Variants in PLEKHM2 observed in about 807,000 individuals in gnomAD.
PLEKHM2 encodes pleckstrin homology domain-containing family M member 2.
PLEKHM2 carries 77 observed loss-of-function variants against 116.3 expected under a neutral mutation model. That is an observed-to-expected ratio of 0.66 (90% CI 0.55 to 0.80). PLEKHM2 has a LOEUF of 0.80. Ranked by LOEUF, PLEKHM2 falls within the 30% of genes least tolerant of loss-of-function variation. PLEKHM2 has a pLI of 0.00. For missense variants in PLEKHM2, 1,183 were observed against 1,354.9 expected (o/e 0.87, Z 1.99); for synonymous variants, 562 against 571.0 (o/e 0.98, Z 0.22).
upstream of PLEKHM2, among the ~76,000 whole-genome samples, chr1:15,684,003 C>CCTGGGGTCTGAGGGTGTCT (rs1640702260): frequency 6.7e-6 from 1 of 149,824 alleles, no homozygotes; most frequent in Non-Finnish European, 1.5e-5. Context: ...GTCCGGAGTC[C>CCTGGGGTCTGAGGGTGTCT]CTGGGGTCTG....
Position 15,729,436 on chromosome 1 carries a change from T to G in PLEKHM2, c.2075+246T>G. Among the ~76,000 whole-genome samples the G allele has an allele frequency of 6.6e-6, 1 of 151,970 alleles. No individual in the cohort carries two copies. The highest frequency in any genetic ancestry group is 1.5e-5 in the Non-Finnish European group (1 of 67,982). On this transcript the variant is annotated intron_variant, in intron 13 of 19. Transcript: ENST00000375799. The surrounding 1 kb of genome is among the most constrained non-coding windows in gnomAD (Gnocchi z 4.7). ...TCTTGGGGGTGCTAGCATGAGTTGT[T>G]GGACAGGAAGGCAGGCAGAGAGCCA...
chr1:15,701,301 C>A (rs1641106410), intron 1 of PLEKHM2, among the ~76,000 whole-genome samples: 1 of 144,008 alleles, frequency 6.9e-6, no homozygotes, highest in Non-Finnish European at 1.5e-5. Flanking sequence ...GGCATGGTGG[C>A]AGGTGCCTGT....
intron 1 of PLEKHM2, among the ~76,000 whole-genome samples, chr1:15,693,431 G>A (rs1640927190): frequency 6.6e-6 from 1 of 152,164 alleles, no homozygotes; most frequent in Non-Finnish European, 1.5e-5. Flanking sequence ...GACACTGTGT[G>A]GTCCTTTCCA....
intron 1 of PLEKHM2, among the ~76,000 whole-genome samples, chr1:15,714,227 A>G (rs1641395883): frequency 6.6e-6 from 1 of 151,892 alleles, no homozygotes; most frequent in East Asian, 1.9e-4. Context: ...GGTGTGAGCC[A>G]CCACACCCGG....
chr1:15,692,735 G>T (rs1640912998), intron 1 of PLEKHM2, among the ~76,000 whole-genome samples: 1 of 151,556 alleles, frequency 6.6e-6, no homozygotes. Context: ...CTGTGTCCAT[G>T]CCCCATTCAC....
At chr1:15,725,096 C>T (rs775466320) in intron 7 of PLEKHM2, among the ~76,000 whole-genome samples, 14 of 152,118 alleles carry the variant, frequency 9.2e-5, no homozygotes, top group Non-Finnish European at 1.9e-4. Flanking sequence ...CTCCGGAGGC[C>T]CCAGGGGTGG....
At position 15,729,712 on chromosome 1, in the gene PLEKHM2, C is replaced by T; in HGVS notation, c.2076-85C>T. On this transcript the variant is annotated intron_variant, in intron 13 of 19. Transcript: ENST00000375799. The surrounding 1 kb of genome is among the most constrained non-coding windows in gnomAD (Gnocchi z 4.7). ...CTCCCCCAAGTTTCTGTGACCCCTC[C>T]AGGCCAGCAGCGCTCAAGACTAAGC... The T allele has an allele frequency of 1.6e-6, 2 of 1,289,550 alleles. No homozygotes were observed. The highest frequency in any genetic ancestry group is 2.1e-6 in the Non-Finnish European group (2 of 933,414). 79.9% of individuals were successfully genotyped at this position (1,289,550 alleles called of 1,614,324 possible).
At chr1:15,732,841 G>C in intron 19 of PLEKHM2, 113 bp downstream of exon 19, 1 of 717,932 alleles carries the variant, frequency 1.4e-6, no homozygotes. Flanking sequence ...CCAGGGTCCT[G>C]GGCACAGCCA....
At chr1:15,692,135 C>T (rs184035528) in intron 1 of PLEKHM2, among the ~76,000 whole-genome samples, 2 of 151,822 alleles carry the variant, frequency 1.3e-5, no homozygotes, top group Admixed American at 1.3e-4. Flanking sequence ...AAAAAATTAG[C>T]TGGGGTAGCT....
rs1014732323 is a variant in PLEKHM2 at position 15,728,838 on chromosome 1, G to A, written c.1986+105G>A. ...AGGCACGGCCCCTTACTCCCCTCCC[G>A]GGGTTGGGCACCAACTTAACTCTCA... On this transcript the variant is annotated intron_variant, in intron 12 of 19. Transcript: ENST00000375799. The surrounding 1 kb of genome is among the most constrained non-coding windows in gnomAD (Gnocchi z 5.9). 83 of 1,098,904 alleles carry A rather than the reference G, an allele frequency of 7.6e-5. 1 individual carries two copies. The highest frequency in any genetic ancestry group is 1.4e-4 in the African/African-American group (9 of 64,076). 68.1% of individuals were successfully genotyped at this position (1,098,904 alleles called of 1,614,324 possible). A position where few individuals can be genotyped will look rare whatever the true frequency, so the allele number is the denominator to read the frequency against.
rs780949383 is a variant in PLEKHM2 at position 15,727,058 on chromosome 1, C to T, written c.986C>T (p.Ser329Leu). 7 of 1,499,168 alleles carry T rather than the reference C, an allele frequency of 4.7e-6. No homozygotes were observed. The highest frequency in any genetic ancestry group is 6.2e-6 in the Non-Finnish European group (7 of 1,126,606). The allele number at this position is 1,499,168 out of a possible 1,614,324, so 92.9% of individuals were successfully genotyped here. Reference sequence around the variant, plus strand: ...ATTGGCAAGAAGAAAAAGAGCAGATCAGATGAGGAGGCAAGTCCACTCCAC... The same window carrying T: ...ATTGGCAAGAAGAAAAAGAGCAGATTAGATGAGGAGGCAAGTCCACTCCAC... ...KKIGKKKKSR[S>L]DEEASPLHPA... Residue 329 changes from serine (S) to leucine (L), a missense_variant, in exon 9 of 20, where the codon TCA becomes TTA. Ser to Leu is a moderately radical substitution (Grantham distance 145). This residue lies in a region of PLEKHM2 where 372 missense variants were observed against 357.2 expected (regional missense o/e 1.04). Coordinates refer to ENST00000375799, the MANE Select transcript of PLEKHM2 (RefSeq NM_015164.4). The surrounding 1 kb of genome is among the most constrained non-coding windows in gnomAD (Gnocchi z 7.5).
chr1:15,731,308 T>C, intron 16 of PLEKHM2, 51 bp downstream of exon 16: 1 of 1,394,382 alleles, frequency 7.2e-7, no homozygotes, highest in South Asian at 1.2e-5. Context: ...AGCTGCCGTT[T>C]CCCTGGTTTG....
chr1:15,727,149 C>A lies in PLEKHM2; in HGVS notation c.1077C>A (p.Ser359Arg), dbSNP rs748876946. The change falls in exon 9 of 20, where the codon AGC (serine) becomes AGA (arginine). Residue 359 changes from serine (S) to arginine (R), a missense_variant. Physicochemically the swap from Ser to Arg is moderately radical, Grantham distance 110. This residue lies in a region of PLEKHM2 where 372 missense variants were observed against 357.2 expected (regional missense o/e 1.04). Transcript: ENST00000375799. This position sits in a 1 kb window ranked among gnomAD's most constrained non-coding sequence, Gnocchi z 7.5. ...GDGDSRNGSP[S>R]LGRDSPDTML... ...GTGACAGCCGCAACGGCAGCCCAAG[C>A]CTTGGGCGGGACTCGCCAGACACTA... The A allele has an allele frequency of 3.1e-6, 5 of 1,597,326 alleles. No homozygotes were observed. The Admixed American group carries it at 6.9e-5, about 22-fold the overall frequency.
chr1:15,729,258 T>TGGG lies in PLEKHM2; in HGVS notation c.2075+71_2075+73dup. The TGGG allele has an allele frequency of 7.3e-7, 1 of 1,364,154 alleles. No individual in the cohort carries two copies. Among genetic ancestry groups the TGGG allele is most frequent in the Admixed American group, 1.9e-5 (1 of 51,600 alleles). 84.5% of individuals were successfully genotyped at this position (1,364,154 alleles called of 1,614,324 possible). On this transcript the variant is annotated intron_variant, in intron 13 of 19. Coordinates refer to ENST00000375799, the MANE Select transcript of PLEKHM2 (RefSeq NM_015164.4). This position sits in a 1 kb window ranked among gnomAD's most constrained non-coding sequence, Gnocchi z 4.7. ...CAGCCGCCCATAGGTGTGGGTGGCC[T>TGGG]GGGGGTCAGGGGTGGAGGTGGAAAG...
chr1:15,720,320 G>A, intron 6 of PLEKHM2: 1 of 985,030 alleles, frequency 1.0e-6, no homozygotes, highest in Non-Finnish European at 1.2e-6. Flanking sequence ...TGCAGAAGGA[G>A]GTTAAGCAAC....
chr1:15,729,020 A>AC lies in PLEKHM2; in HGVS notation c.1987-82_1987-81insC, dbSNP rs2068103944. The AC allele has an allele frequency of 2.3e-6, 3 of 1,294,678 alleles. No homozygotes were observed. The African/African-American group carries it at 4.4e-5, about 19-fold the overall frequency. 80.2% of individuals were successfully genotyped at this position (1,294,678 alleles called of 1,614,324 possible). ...CGGGGTGTGCTTCTTCCTCCCCAGC[A>AC]AGCGCTCAGCCTGGCCAAGCTGCCT... On this transcript the variant is annotated intron_variant, in intron 12 of 19. Coordinates refer to ENST00000375799, the MANE Select transcript of PLEKHM2 (RefSeq NM_015164.4). The surrounding 1 kb of genome is among the most constrained non-coding windows in gnomAD (Gnocchi z 4.7).
chr1:15,703,364 G>A (rs760718252), intron 1 of PLEKHM2, among the ~76,000 whole-genome samples: 4 of 152,200 alleles, frequency 2.6e-5, no homozygotes, highest in Non-Finnish European at 5.9e-5. Context: ...TGGAGCAGGC[G>A]TTTTTATCCT....
In PLEKHM2 at chr1:15,719,728, C is replaced by G. The variant is rs766469103; in HGVS notation, c.466-6C>G. 1.4e-5 allele frequency: 22 copies of G among 1,607,986 alleles called. No individual in the cohort carries two copies. Among genetic ancestry groups the G allele is most frequent in the Non-Finnish European group, 1.9e-5 (22 of 1,175,984 alleles). On this transcript the variant is annotated splice_region_variant and splice_polypyrimidine_tract_variant and intron_variant, in intron 5 of 19. Transcript: ENST00000375799. This position sits in a 1 kb window ranked among gnomAD's most constrained non-coding sequence, Gnocchi z 4.1. ...ACCAAACGGGCCTCCTCTACTCTCT[C>G]CTCAGGATGCCCCTTACCTAGACCT... is the stretch of plus-strand genomic sequence containing the variant.
At position 15,690,075 on chromosome 1, in the gene PLEKHM2, T is replaced by G. The variant is rs60362110; in HGVS notation, c.60+5457T>G. Among the ~76,000 whole-genome samples, 829 of 147,826 alleles carry G rather than the reference T, an allele frequency of 5.6e-3. 8 individuals carry two copies. Among genetic ancestry groups the G allele is most frequent in the Admixed American group, 0.017 (254 of 14,846 alleles). ...CCAGCCGAGGTTTTTTTTTTTTTTG[T>G]TTTGTTTTTTTGAGACAGTCTTGCT... is the stretch of plus-strand genomic sequence containing the variant. On this transcript the variant is annotated intron_variant, in intron 1 of 19. Coordinates refer to ENST00000375799, the MANE Select transcript of PLEKHM2 (RefSeq NM_015164.4).
Sources: allele counts gnomAD v4.1 joint callset (sites outside exome capture counted in the v4.1 genomes callset), GRCh38; gene constraint gnomAD v4.1.1; regional missense constraint gnomAD v4.1.1; non-coding constraint Gnocchi (gnomAD v3.1); transcripts MANE v1.5; gene names NCBI Gene and HGNC (gene_info 2026-07-23, HGNC 2026-07-21).